The following CNTN5 variants were observed in gnomAD, a reference collection of about 807,000 sequenced individuals.
CNTN5 encodes contactin-5.
Under a neutral mutation model 129.1 loss-of-function variants are expected in CNTN5, and 77 were observed. That is an observed-to-expected ratio of 0.60 (90% CI 0.50 to 0.72). The LOEUF (loss-of-function observed/expected upper bound fraction) is 0.72, where lower values mean the gene tolerates loss of function less well. CNTN5 is among the 30% of genes least tolerant of loss of function. CNTN5 has a pLI of 0.00. For synonymous variants in CNTN5, 509 were observed against 465.6 expected, an observed-to-expected ratio of 1.09 and a Z score of -1.20; for missense variants, 1,478 against 1,328.8, an observed-to-expected ratio of 1.11 and a Z score of -1.75.
chr11:99,737,420 C>A (rs1159070434), intron 3 of CNTN5, among the ~76,000 whole-genome samples: 1 of 151,998 alleles, frequency 6.6e-6, no homozygotes, highest in East Asian at 1.9e-4. Context: ...TTCTTTCTGA[C>A]CAGTGAATTA....
At chr11:100,123,394 C>T (rs149908383) in intron 13 of CNTN5, among the ~76,000 whole-genome samples, 186 of 151,998 alleles carry the variant, frequency 1.2e-3, no homozygotes, top group African/African-American at 4.0e-3. Flanking sequence ...ACATCTTTAC[C>T]TCCTAGGTGG....
At chr11:100,204,620 C>T (rs971114003) in intron 15 of CNTN5, among the ~76,000 whole-genome samples, 1 of 151,298 alleles carries the variant, frequency 6.6e-6, no homozygotes, top group Non-Finnish European at 1.5e-5. Context: ...TTTTAGTTAA[C>T]AGAGGAAGTT....
At chr11:100,164,760 T>C (rs957622033) in intron 13 of CNTN5, among the ~76,000 whole-genome samples, 1 of 151,774 alleles carries the variant, frequency 6.6e-6, no homozygotes, top group Non-Finnish European at 1.5e-5. Context: ...AAAACCAGCA[T>C]GTAATATTGG....
intron 3 of CNTN5, among the ~76,000 whole-genome samples, chr11:99,661,185 G>A (rs1301032192): frequency 6.6e-6 from 1 of 152,068 alleles, no homozygotes; most frequent in Non-Finnish European, 1.5e-5. Context: ...GCACACAAAT[G>A]GTTGGGATGA....
chr11:99,199,616 G>A (rs1215064202), intron 1 of CNTN5, among the ~76,000 whole-genome samples: 5 of 152,164 alleles, frequency 3.3e-5, no homozygotes, highest in Non-Finnish European at 7.4e-5. Context: ...TCTAGGACCA[G>A]CAGACCACCT....
At chr11:99,468,001 A>G (rs185427838) in intron 2 of CNTN5, among the ~76,000 whole-genome samples, 351 of 152,224 alleles carry the variant, frequency 2.3e-3, no homozygotes, top group African/African-American at 8.2e-3. Flanking sequence ...TCTTCAAAAT[A>G]ATGTGCCATG....
At chr11:100,120,135 GTTGT>G (rs1945968646) in intron 13 of CNTN5, among the ~76,000 whole-genome samples, 1 of 151,784 alleles carries the variant, frequency 6.6e-6, no homozygotes, top group Non-Finnish European at 1.5e-5. Context: ...CCCCAGATGT[GTTGT>G]TTTTCACTTT....
intron 7 of CNTN5, among the ~76,000 whole-genome samples, chr11:99,924,882 T>A (rs1298860409): frequency 6.6e-6 from 1 of 152,154 alleles, no homozygotes; most frequent in Non-Finnish European, 1.5e-5. Flanking sequence ...TCAAACAGAA[T>A]TTGAAGAAGT....
intron 2 of CNTN5, among the ~76,000 whole-genome samples, chr11:99,552,824 C>T (rs1173922846): frequency 1.3e-5 from 2 of 152,228 alleles, no homozygotes; most frequent in Non-Finnish European, 2.9e-5. Context: ...CGCTGGTTCT[C>T]TCCCTCTCTC....
At position 99,262,609 on chromosome 11, in the gene CNTN5, TTTC is replaced by T. The variant is rs199753874; in HGVS notation, c.-209-62735_-209-62733del. Among the ~76,000 whole-genome samples the T allele has an allele frequency of 9.6e-3, 1,449 of 150,918 alleles. 12 individuals are homozygous for T. Among genetic ancestry groups the T allele is most frequent in the Middle Eastern group, 0.038 (11 of 292 alleles). ...ATAGACTTCTTTGTTTCTTTTTTTT[TTTC>T]TCTCTCTTTTTTTTGCTTCATTATA... is the stretch of plus-strand genomic sequence containing the variant. On this transcript the variant is annotated intron_variant, in intron 1 of 24. Coordinates refer to ENST00000524871, the MANE Select transcript of CNTN5 (RefSeq NM_014361.4).
At chr11:99,294,440 C>T (rs1028238415) in intron 1 of CNTN5, among the ~76,000 whole-genome samples, 2 of 152,032 alleles carry the variant, frequency 1.3e-5, no homozygotes, top group Admixed American at 6.6e-5. Context: ...AATACATTAC[C>T]TAGGAATAAA....
chr11:99,916,425 G>A (rs1949791832), intron 7 of CNTN5, among the ~76,000 whole-genome samples: 1 of 152,062 alleles, frequency 6.6e-6, no homozygotes, highest in Non-Finnish European at 1.5e-5. Flanking sequence ...ATTGCCTAGA[G>A]CACAAAGGAA....
chr11:99,280,565 T>TAA (rs949347638), intron 1 of CNTN5, among the ~76,000 whole-genome samples: 1 of 146,718 alleles, frequency 6.8e-6, no homozygotes, highest in Non-Finnish European at 1.5e-5. Flanking sequence ...GGTTCTAGGT[T>TAA]AAAAAAAAAA....
intron 3 of CNTN5, among the ~76,000 whole-genome samples, chr11:99,792,538 GGTGTGTGTGTGT>G (rs111267307): frequency 3.9e-5 from 5 of 127,836 alleles, no homozygotes; most frequent in Admixed American, 1.6e-4. Flanking sequence ...CCTGAAGAGG[GGTGTGTGTGTGT>G]GTGTGTGTGT....
intron 2 of CNTN5, among the ~76,000 whole-genome samples, chr11:99,474,150 G>T (rs183410132): frequency 1.7e-3 from 258 of 152,082 alleles, no homozygotes; most frequent in African/African-American, 5.8e-3. Context: ...AGTAATTCAA[G>T]TGTAAGATTC....
chr11:99,905,451 G>C (rs529912764), intron 6 of CNTN5, among the ~76,000 whole-genome samples: 1 of 152,268 alleles, frequency 6.6e-6, no homozygotes, highest in Admixed American at 6.5e-5. Context: ...GATGGTTGTA[G>C]ATGTGTGGCA....
intron 18 of CNTN5, among the ~76,000 whole-genome samples, chr11:100,291,484 C>T (rs1218482936): frequency 6.9e-6 from 1 of 145,124 alleles, no homozygotes; most frequent in Non-Finnish European, 1.5e-5. Context: ...TGGAAATCAT[C>T]ATTCTCAGTA....
intron 13 of CNTN5, among the ~76,000 whole-genome samples, chr11:100,157,781 C>T (rs1947306163): frequency 6.6e-6 from 1 of 151,526 alleles, no homozygotes; most frequent in Non-Finnish European, 1.5e-5. Context: ...GATAGAAACA[C>T]CAAACGAAGA....
At chr11:99,148,161 G>C (rs945489533) in intron 1 of CNTN5, among the ~76,000 whole-genome samples, 2 of 151,882 alleles carry the variant, frequency 1.3e-5, no homozygotes, top group African/African-American at 4.8e-5. Flanking sequence ...ATGTTCTCTT[G>C]TATCAAATAC....
Sources: gnomAD v4.1 joint callset for allele counts (sites outside exome capture counted in the v4.1 genomes callset) on GRCh38, gnomAD v4.1.1 for gene constraint, MANE v1.5 for transcripts, NCBI Gene and HGNC (gene_info 2026-07-23, HGNC 2026-07-21) for gene names.